The following PMAIP1 variants were observed in gnomAD, a reference collection of about 807,000 sequenced individuals.
The protein encoded by PMAIP1 is PMA-induced protein 1.
A neutral mutation model predicts 3.7 loss-of-function variants in PMAIP1; 3 were observed. The observed-to-expected ratio is 0.82, with a 90% CI of 0.37 to 2.12. The LOEUF (loss-of-function observed/expected upper bound fraction) is 2.12. Ranked by LOEUF, PMAIP1 falls within the 30% of genes most tolerant of loss-of-function variation. The pLI is 0.06. For missense variants in PMAIP1, 77 were observed against 67.1 expected, an observed-to-expected ratio of 1.15 and a Z score of -0.52; for synonymous variants, 29 against 26.2, an observed-to-expected ratio of 1.11 and a Z score of -0.32.
intron 1 of PMAIP1, 86 bp from the exon 2 acceptor site, chr18:59,902,561 G>T: frequency 8.9e-7 from 1 of 1,123,576 alleles, no homozygotes; most frequent in Non-Finnish European, 1.3e-6. Context: ...TACTCAATTT[G>T]TCACTAGTGT....
At position 59,904,153 on chromosome 18, in the gene PMAIP1, T is replaced by C. The variant is rs2055794041; in HGVS notation, c.*1400T>C. 6.6e-6 allele frequency: 1 copy of C among 152,078 alleles called. No individual in the cohort carries two copies. The highest frequency in any genetic ancestry group is 1.5e-5 in the Non-Finnish European group (1 of 68,004). The allele number at this position is 152,078 out of a possible 1,614,324, so 9.4% of individuals were successfully genotyped here. A position where few individuals can be genotyped will look rare whatever the true frequency, so the allele number is the denominator to read the frequency against. On this transcript the variant is annotated 3_prime_UTR_variant, in exon 2 of 2. Transcript: ENST00000316660. ...CACATCTGTTTTCTTCAGTATTACT[T>C]AAGATTGTTTATTTAGTGGTAGAGA...
chr18:59,900,815 A>G (rs1191641974), intron 1 of PMAIP1: 7 of 514,218 alleles, frequency 1.4e-5, no homozygotes, highest in Non-Finnish European at 2.1e-5. Flanking sequence ...CCACCCCGAT[A>G]CATACAGCTC....
chr18:59,900,111 G>A lies in PMAIP1; in HGVS notation c.-67G>A. On this transcript the variant is annotated 5_prime_UTR_variant, in exon 1 of 2. Coordinates refer to ENST00000316660, the MANE Select transcript of PMAIP1 (RefSeq NM_021127.3). ...TTCAGCTCGCGTCCTGCAGCTGTCC[G>A]AGGTGCTCCAGTTGGAGGCTGAGGT... 4.7e-6 allele frequency: 7 copies of A among 1,502,738 alleles called. No homozygotes were observed. The highest frequency in any genetic ancestry group is 5.4e-6 in the Non-Finnish European group (6 of 1,115,852). 93.1% of individuals were successfully genotyped at this position (1,502,738 alleles called of 1,614,324 possible). A position where few individuals can be genotyped will look rare whatever the true frequency, so the allele number is the denominator to read the frequency against.
chr18:59,903,616 AAT>A lies in PMAIP1; in HGVS notation c.*864_*865del. ...TTCAGAAGTAACTTGATAAGATATG[AAT>A]GTTTCTAAAGAAGTTTCTAAAGGTT... On this transcript the variant is annotated 3_prime_UTR_variant, in exon 2 of 2. Coordinates refer to ENST00000316660, the MANE Select transcript of PMAIP1 (RefSeq NM_021127.3). The A allele has an allele frequency of 6.6e-6, 1 of 152,324 alleles. No individual in the cohort carries two copies. The highest frequency in any genetic ancestry group is 1.9e-4 in the East Asian group (1 of 5,196). 9.4% of individuals were successfully genotyped at this position (152,324 alleles called of 1,614,324 possible).
chr18:59,900,786 A>T, intron 1 of PMAIP1: 1 of 551,958 alleles, frequency 1.8e-6, no homozygotes, highest in East Asian at 3.1e-5. Context: ...CCTTTTTTTC[A>T]TTCATTCATT....
intron 1 of PMAIP1, among the ~76,000 whole-genome samples, chr18:59,901,322 GA>G (rs2055767341): frequency 6.6e-6 from 1 of 152,222 alleles, no homozygotes; most frequent in Non-Finnish European, 1.5e-5. Flanking sequence ...CATTTTTGGT[GA>G]AAGGGATAAC....
intron 1 of PMAIP1, among the ~76,000 whole-genome samples, chr18:59,901,820 GA>G (rs200349900): frequency 9.9e-5 from 15 of 152,138 alleles, no homozygotes; most frequent in Non-Finnish European, 2.1e-4. Flanking sequence ...TGCACTTACT[GA>G]AAAAAAGTGT....
rs189029598 is a variant in PMAIP1 at position 59,901,715 on chromosome 18, G to A, written c.59-932G>A. Among the ~76,000 whole-genome samples the A allele has an allele frequency of 7.2e-5, 11 of 152,226 alleles. No homozygotes were observed. The East Asian group carries it at 2.1e-3, about 29-fold the overall frequency. On this transcript the variant is annotated intron_variant, in intron 1 of 1. Transcript: ENST00000316660. ...TTTTTAATGTTTGTAATCATGAAGT[G>A]TACCCGAAAGACCTCAAGCTGCTCT...
At chr18:59,902,517 A>G (rs1436722320) in intron 1 of PMAIP1, 130 bp from the exon 2 acceptor site, 3 of 742,994 alleles carry the variant, frequency 4.0e-6, no homozygotes, top group Admixed American at 4.7e-5. Context: ...ACAGGTGCAC[A>G]TAAAGCCAAA....
At chr18:59,900,330 C>G in intron 1 of PMAIP1, 95 bp downstream of exon 1, 8 of 1,515,210 alleles carry the variant, frequency 5.3e-6, no homozygotes, top group Non-Finnish European at 7.1e-6. Context: ...CGCCGGGGCT[C>G]AAGCACAGAC....
chr18:59,900,171 G>A lies in PMAIP1; in HGVS notation c.-7G>A, dbSNP rs748291850. On this transcript the variant is annotated 5_prime_UTR_variant, in exon 1 of 2. Coordinates refer to ENST00000316660, the MANE Select transcript of PMAIP1 (RefSeq NM_021127.3). The stretch of plus-strand genomic sequence containing the variant: ...CTGTAGCTGAGTGGGCGGCGGCACC[G>A]GCGGAGATGCCTGGGAAGAAGGCGC... 6.4e-6 allele frequency: 10 copies of A among 1,558,364 alleles called. No individual in the cohort carries two copies. The East Asian group carries it at 9.3e-5, about 14-fold the overall frequency.
Position 59,902,905 on chromosome 18 carries a change from A to C in PMAIP1, c.*152A>C. 8.0e-7 allele frequency: 1 copy of C among 1,250,870 alleles called. No homozygotes were observed. The highest frequency in any genetic ancestry group is 1.1e-6 in the Non-Finnish European group (1 of 877,846). 77.5% of individuals were successfully genotyped at this position (1,250,870 alleles called of 1,614,324 possible). On this transcript the variant is annotated 3_prime_UTR_variant, in exon 2 of 2. Transcript: ENST00000316660. ...TTGGAAACGGAAGATGGAATACATC[A>C]AAGTGAATTTCTGTTCAAGTTTTCC...
intron 1 of PMAIP1, chr18:59,900,477 T>A: frequency 6.5e-7 from 1 of 1,550,358 alleles, no homozygotes; most frequent in Non-Finnish European, 8.7e-7. Flanking sequence ...GATTTGCGAT[T>A]GGGATGCAGC....
At position 59,902,959 on chromosome 18, in the gene PMAIP1, C is replaced by A; in HGVS notation, c.*206C>A. On this transcript the variant is annotated 3_prime_UTR_variant, in exon 2 of 2. Coordinates refer to ENST00000316660, the MANE Select transcript of PMAIP1 (RefSeq NM_021127.3). ...ATTATCATTCTTTGGGATGAGAGAA[C>A]ATTATAAAACCACTTTGTTTATTTT... The A allele has an allele frequency of 1.3e-6, 1 of 757,370 alleles. No individual in the cohort carries two copies. Among genetic ancestry groups the A allele is most frequent in the Admixed American group, 2.6e-5 (1 of 38,012 alleles). 46.9% of individuals were successfully genotyped at this position (757,370 alleles called of 1,614,324 possible).
chr18:59,903,005 T>G lies in PMAIP1; in HGVS notation c.*252T>G. 4 of 622,550 alleles carry G rather than the reference T, an allele frequency of 6.4e-6. No homozygotes were observed. In the South Asian group the frequency reaches 8.1e-5, roughly 13 times the overall value. The allele number at this position is 622,550 out of a possible 1,614,324, so 38.6% of individuals were successfully genotyped here. A position where few individuals can be genotyped will look rare whatever the true frequency, so the allele number is the denominator to read the frequency against. Reference sequence around the variant, plus strand: ...ATTTTAAAGCAAGAATGGAAGACCCTTGAAAATAAAGAAGTAATTATTGAC... The same window carrying G: ...ATTTTAAAGCAAGAATGGAAGACCCGTGAAAATAAAGAAGTAATTATTGAC... On this transcript the variant is annotated 3_prime_UTR_variant, in exon 2 of 2. Coordinates refer to ENST00000316660, the MANE Select transcript of PMAIP1 (RefSeq NM_021127.3).
intron 1 of PMAIP1, chr18:59,900,789 C>G: frequency 1.8e-6 from 1 of 564,676 alleles, no homozygotes; most frequent in Non-Finnish European, 3.1e-6. Context: ...TTTTTTCATT[C>G]ATTCATTCGC....
chr18:59,900,750 G>C, intron 1 of PMAIP1: 1 of 686,090 alleles, frequency 1.5e-6, no homozygotes, highest in East Asian at 2.7e-5. Context: ...GGGAGGTGGG[G>C]ATAGGAGAAT....
chr18:59,902,715 C>G lies in PMAIP1; in HGVS notation c.127C>G (p.Leu43Val). 1 of 1,614,186 alleles carries G rather than the reference C, an allele frequency of 6.2e-7. No individual in the cohort carries two copies. Among genetic ancestry groups the G allele is most frequent in the East Asian group, 2.2e-5 (1 of 44,888 alleles). The change falls in exon 2 of 2, where the codon CTG (leucine) becomes GTG (valine). Residue 43 changes from leucine (L) to valine (V), a missense_variant. By Grantham distance (32) the Leu-to-Val change is conservative. Coordinates refer to ENST00000316660, the MANE Select transcript of PMAIP1 (RefSeq NM_021127.3). ...CAAACTGAACTTCCGGCAGAAACTTCTGAATCTGATATCCAAACTCTTCTG... is the reference window on the plus strand; with the variant it reads ...CAAACTGAACTTCCGGCAGAAACTTGTGAATCTGATATCCAAACTCTTCTG... The part of the protein sequence containing the change: ...GDKLNFRQKL[L>V]NLISKLFCSG...
At chr18:59,902,582 G>T in intron 1 of PMAIP1, 65 bp from the exon 2 acceptor site, 1 of 1,376,430 alleles carries the variant, frequency 7.3e-7, no homozygotes, top group Non-Finnish European at 1.0e-6. Flanking sequence ...GGGCGTATTA[G>T]GTTTTGCTGG....
Sources: gnomAD v4.1 joint callset for allele counts (sites outside exome capture counted in the v4.1 genomes callset) on GRCh38, gnomAD v4.1.1 for gene constraint, MANE v1.5 for transcripts, NCBI Gene and HGNC (gene_info 2026-07-23, HGNC 2026-07-21) for gene names.